Variants in MBOAT4 observed in about 807,000 individuals in gnomAD.
MBOAT4 encodes membrane bound ghrelin O-acyltransferase MBOAT4.
A neutral mutation model predicts 13.2 loss-of-function variants in MBOAT4; 11 were observed. That is an observed-to-expected ratio of 0.84 (90% CI 0.53 to 1.38). The LOEUF (loss-of-function observed/expected upper bound fraction) is 1.38, where lower values mean the gene tolerates loss of function less well. Ranked by LOEUF, MBOAT4 falls within the 40% of genes most tolerant of loss-of-function variation. MBOAT4 has a pLI of 0.00. For synonymous variants in MBOAT4, 202 were observed against 210.3 expected (o/e 0.96, Z 0.34); for missense variants, 481 against 527.2 (o/e 0.91, Z 0.86).
intron 2 of MBOAT4, chr8:30,137,856 G>C: frequency 3.7e-6 from 1 of 268,166 alleles, no homozygotes. Context: ...GAGTCATGCA[G>C]CTGGAGATGA....
At chr8:30,137,534 T>C in intron 2 of MBOAT4, 1 of 1,434,166 alleles carries the variant, frequency 7.0e-7, no homozygotes, top group Non-Finnish European at 9.6e-7. Flanking sequence ...CACTGCACCA[T>C]GTAGGCAACA....
chr8:30,143,899 A>G (rs1161346984), intron 1 of MBOAT4, among the ~76,000 whole-genome samples: 1 of 152,152 alleles, frequency 6.6e-6, no homozygotes, highest in African/African-American at 2.4e-5. Context: ...CCATCGCAAC[A>G]ACCATCTCTC....
At position 30,132,547 on chromosome 8, in the gene MBOAT4, C is replaced by T. The variant is rs1384228992; in HGVS notation, c.704G>A (p.Cys235Tyr). ...VVDAGAGLTD[C>Y]QQFECIYVVW... ...GACATAGATGCACTCGAATTGCTGG[C>T]AATCAGTCAGTCCCGCTCCTGCATC... The change falls in exon 3 of 3, where the codon TGC becomes TAC. Residue 235 changes from cysteine (C) to tyrosine (Y), a missense_variant. Transcript: ENST00000320542. 6.4e-7 allele frequency: 1 copy of T among 1,551,622 alleles called. No individual in the cohort carries two copies. The highest frequency in any genetic ancestry group is 1.4e-5 in the African/African-American group (1 of 73,046).
chr8:30,138,103 T>C (rs773963830), intron 2 of MBOAT4: 2 of 171,368 alleles, frequency 1.2e-5, no homozygotes, highest in Non-Finnish European at 2.6e-5. Flanking sequence ...CACTGTCAAC[T>C]CACTGGCCTC....
chr8:30,133,409 T>C (rs1803069585), intron 2 of MBOAT4, among the ~76,000 whole-genome samples: 1 of 152,242 alleles, frequency 6.6e-6, no homozygotes, highest in Non-Finnish European at 1.5e-5. Context: ...TATGTGTGTA[T>C]ATTTGCATAT....
At chr8:30,138,452 C>G in intron 2 of MBOAT4, 80 bp downstream of exon 2, 1 of 1,154,498 alleles carries the variant, frequency 8.7e-7, no homozygotes, top group Non-Finnish European at 1.2e-6. Flanking sequence ...TCCAACCCAA[C>G]ACCCAGGTTC....
chr8:30,137,728 C>T, intron 2 of MBOAT4: 1 of 544,614 alleles, frequency 1.8e-6, no homozygotes, highest in South Asian at 2.3e-5. Context: ...TAATAGCTTA[C>T]AGTTTAAAAC....
intron 1 of MBOAT4, 107 bp downstream of exon 1, chr8:30,144,376 T>C: frequency 1.4e-6 from 1 of 736,542 alleles, no homozygotes. Flanking sequence ...CCTCAAGTGA[T>C]CTGCCCGCCT....
At chr8:30,141,885 T>C (rs1803266435) in intron 1 of MBOAT4, among the ~76,000 whole-genome samples, 1 of 152,186 alleles carries the variant, frequency 6.6e-6, no homozygotes, top group African/African-American at 2.4e-5. Context: ...TGAGAGCATC[T>C]ATGACTCAAA....
At position 30,138,537 on chromosome 8, in the gene MBOAT4, A is replaced by G. The variant is rs764934292; in HGVS notation, c.339T>C (p.Ser113=). The G allele has an allele frequency of 6.1e-5, 95 of 1,545,784 alleles. No homozygotes were observed. The Middle Eastern group carries it at 2.7e-3, about 44-fold the overall frequency. Residue 113 remains serine, a synonymous_variant, in exon 2 of 3, where the codon TCT becomes TCC. Transcript: ENST00000320542. ...YTEYYLHEPP[S]VRFCITLSSL... is the part of the protein sequence containing the mutation. ...CCAACGAACAGGCTGCTTACCTCAC[A>G]GAAGGAGGCTCATGCAGATAATACT...
In MBOAT4 at chr8:30,132,788, A is replaced by C. The variant is rs1228368473; in HGVS notation, c.463T>G (p.Leu155Val). The change falls in exon 3 of 3, where the codon TTG (leucine) becomes GTG (valine). Residue 155 changes from leucine to valine, a missense_variant. Leu to Val is a conservative substitution (Grantham distance 32). Coordinates refer to ENST00000320542, the MANE Select transcript of MBOAT4 (RefSeq NM_001100916.2). ...ASGGFRSRSSLSEHVCKALPY... is the reference protein window; with the variant it reads ...ASGGFRSRSSVSEHVCKALPY... Reference sequence around the variant, plus strand: ...AGTGCCTTACACACATGCTCAGACAAAGAGCTCCTGCTCCTGAAGCCTCCA... The same window carrying C: ...AGTGCCTTACACACATGCTCAGACACAGAGCTCCTGCTCCTGAAGCCTCCA... The C allele has an allele frequency of 6.4e-7, 1 of 1,551,616 alleles. No individual in the cohort carries two copies. Among genetic ancestry groups the C allele is most frequent in the African/African-American group, 1.4e-5 (1 of 73,046 alleles).
chr8:30,138,863 C>G (rs1019601540), intron 1 of MBOAT4, 107 bp from the exon 2 acceptor site: 1 of 756,324 alleles, frequency 1.3e-6, no homozygotes, highest in Non-Finnish European at 2.2e-6. Flanking sequence ...CCACACAACA[C>G]CTAAAGTAGC....
At chr8:30,136,700 C>G (rs1184561468) in intron 2 of MBOAT4, among the ~76,000 whole-genome samples, 3 of 151,692 alleles carry the variant, frequency 2.0e-5, no homozygotes, top group South Asian at 4.1e-4. Flanking sequence ...CAACCTGAAG[C>G]CTTTGGTGAA....
In MBOAT4 at chr8:30,132,731, C is replaced by G. The variant is rs1287730273; in HGVS notation, c.520G>C (p.Ala174Pro). The G allele has an allele frequency of 6.4e-7, 1 of 1,551,544 alleles. No individual in the cohort carries two copies. Among genetic ancestry groups the G allele is most frequent in the African/African-American group, 1.4e-5 (1 of 72,986 alleles). The change falls in exon 3 of 3, where the codon GCT (alanine) becomes CCT (proline). Residue 174 changes from alanine to proline, a missense_variant. Transcript: ENST00000320542. ...PYFSYLLFFP[A>P]LLGGSLCSFQ... ...GAGCACAGAGAGCCTCCCAGGAGAG[C>G]AGGGAAAAAGAGCAAGTAGCTGAAA...
chr8:30,144,352 T>G, intron 1 of MBOAT4, 131 bp downstream of exon 1: 1 of 608,444 alleles, frequency 1.6e-6, no homozygotes, highest in Non-Finnish European at 2.8e-6. Context: ...GCCAGGCAGT[T>G]CTCAAACCCC....
Position 30,138,856 on chromosome 8 carries a change from C to T in MBOAT4, c.120-100G>A. ...AGGGAACCCGATCTGGTAGGCCCCACACAACACCTAAAGTAGCCATGCTGT... is the reference window on the plus strand; with the variant it reads ...AGGGAACCCGATCTGGTAGGCCCCATACAACACCTAAAGTAGCCATGCTGT... On this transcript the variant is annotated intron_variant, in intron 1 of 2. Coordinates refer to ENST00000320542, the MANE Select transcript of MBOAT4 (RefSeq NM_001100916.2). The T allele has an allele frequency of 3.6e-6, 3 of 831,232 alleles. No homozygotes were observed. The South Asian group carries it at 4.9e-5, about 14-fold the overall frequency. The allele number at this position is 831,232 out of a possible 1,614,324, so 51.5% of individuals were successfully genotyped here.
At position 30,131,845 on chromosome 8, in the gene MBOAT4, T is replaced by G; in HGVS notation, c.*98A>C. Reference sequence around the variant, plus strand: ...TCCATCCAAAACTTTAGAAAAAATTTTATTATGGAAAAGTTCAAATGTATG... The same window carrying G: ...TCCATCCAAAACTTTAGAAAAAATTGTATTATGGAAAAGTTCAAATGTATG... On this transcript the variant is annotated 3_prime_UTR_variant, in exon 3 of 3. Coordinates refer to ENST00000320542, the MANE Select transcript of MBOAT4 (RefSeq NM_001100916.2). 1 of 1,413,164 alleles carries G rather than the reference T, an allele frequency of 7.1e-7. No homozygotes were observed. Among genetic ancestry groups the G allele is most frequent in the Admixed American group, 2.9e-5 (1 of 34,952 alleles). 87.5% of individuals were successfully genotyped at this position (1,413,164 alleles called of 1,614,324 possible).
chr8:30,137,157 C>G (rs1185039341), intron 2 of MBOAT4: 2 of 818,628 alleles, frequency 2.4e-6, no homozygotes, highest in Admixed American at 4.6e-5. Context: ...CAGAGAGAGC[C>G]AGGAACATGA....
intron 2 of MBOAT4, 38 bp downstream of exon 2, chr8:30,138,494 T>A: frequency 2.7e-6 from 4 of 1,500,680 alleles, no homozygotes; most frequent in Non-Finnish European, 3.6e-6. Context: ...AAGCAAACTG[T>A]AGGTGGGCTG....
Sources: allele counts gnomAD v4.1 joint callset (sites outside exome capture counted in the v4.1 genomes callset), GRCh38; gene constraint gnomAD v4.1.1; transcripts MANE v1.5; gene names NCBI Gene and HGNC (gene_info 2026-07-23, HGNC 2026-07-21).